Variants in MALRD1 observed in about 807,000 individuals in gnomAD.
MALRD1 encodes the protein MAM and LDL-receptor class A domain-containing protein 1.
MALRD1 carries 247 observed loss-of-function variants against 242.1 expected under a neutral mutation model. The observed-to-expected ratio is 1.02, with a 90% confidence interval of 0.92 to 1.13. The LOEUF is 1.13. Ranked by LOEUF, MALRD1 falls within the 50% of genes most tolerant of loss-of-function variation. The pLI is 0.00. For missense variants in MALRD1, 2,989 were observed against 2,533.1 expected (o/e 1.18, Z -3.86); for synonymous variants, 995 against 866.6 (o/e 1.15, Z -2.60).
chr10:19,535,542 CAT>C (rs1206879402), intron 32 of MALRD1, among the ~76,000 whole-genome samples: 10 of 147,634 alleles, frequency 6.8e-5, no homozygotes, highest in East Asian at 6.0e-4. Context: ...TATACATATA[CAT>C]ATATATACAC....
At chr10:19,466,392 TTAAA>T (rs1289977428) in intron 29 of MALRD1, among the ~76,000 whole-genome samples, 3 of 152,186 alleles carry the variant, frequency 2.0e-5, no homozygotes, top group African/African-American at 7.2e-5. Flanking sequence ...CCCCCTAAAA[TTAAA>T]TAAATATTAT....
At chr10:19,449,135 A>C (rs1051016534) in intron 28 of MALRD1, among the ~76,000 whole-genome samples, 6 of 152,176 alleles carry the variant, frequency 3.9e-5, no homozygotes, top group Non-Finnish European at 8.8e-5. Context: ...AAGGAAAGGT[A>C]GATTTTACTG....
intron 18 of MALRD1, among the ~76,000 whole-genome samples, chr10:19,257,044 G>A (rs200343838): frequency 6.6e-6 from 1 of 151,966 alleles, no homozygotes; most frequent in East Asian, 1.9e-4. Context: ...TACTACAGTG[G>A]TTCGTCTATA....
intron 28 of MALRD1, among the ~76,000 whole-genome samples, chr10:19,399,651 C>T (rs1169996937): frequency 6.6e-6 from 1 of 151,986 alleles, no homozygotes; most frequent in Non-Finnish European, 1.5e-5. Flanking sequence ...ATTAAAATGG[C>T]AATAATCTTA....
chr10:19,556,272 A>G (rs1050158262), intron 32 of MALRD1, among the ~76,000 whole-genome samples: 3 of 152,098 alleles, frequency 2.0e-5, no homozygotes, highest in African/African-American at 7.2e-5. Context: ...GTTACAATTG[A>G]TGAGCCAATA....
At chr10:19,276,572 G>T (rs1224949808) in intron 19 of MALRD1, among the ~76,000 whole-genome samples, 1 of 151,920 alleles carries the variant, frequency 6.6e-6, no homozygotes, top group East Asian at 1.9e-4. Context: ...TTTCATCAAG[G>T]CTAGCGAATT....
At position 19,433,023 on chromosome 10, in the gene MALRD1, TCCA is replaced by T. The variant is rs369642380; in HGVS notation, c.4846-17282_4846-17280del. Among the ~76,000 whole-genome samples the T allele has an allele frequency of 4.0e-3, 605 of 152,360 alleles. 3 individuals are homozygous for T. Among genetic ancestry groups the T allele is most frequent in the Admixed American group, 0.01 (157 of 15,296 alleles). ...TATATGTATATATAGATACAGCTAT[TCCA>T]CTTGCAGTTATTTATTGAACACTTA... On this transcript the variant is annotated intron_variant, in intron 28 of 39. Transcript: ENST00000454679.
At chr10:19,594,815 G>A (rs1181929344) in intron 33 of MALRD1, among the ~76,000 whole-genome samples, 1 of 152,008 alleles carries the variant, frequency 6.6e-6, no homozygotes, top group African/African-American at 2.4e-5. Context: ...TGATATAATG[G>A]ACTGTGGGGA....
In MALRD1 at chr10:19,257,645, A is replaced by T. The variant is rs114564263; in HGVS notation, c.2992-39A>T. 4,108 of 1,386,356 alleles carry T rather than the reference A, an allele frequency of 3.0e-3. 98 individuals are homozygous for T. The African/African-American group carries it at 0.052, about 18-fold the overall frequency. The allele number at this position is 1,386,356 out of a possible 1,614,324, so 85.9% of individuals were successfully genotyped here. A position where few individuals can be genotyped will look rare whatever the true frequency, so the allele number is the denominator to read the frequency against. Reference sequence around the variant, plus strand: ...TAACTTAATTTCCTTTACCACATAAACACATTTCTTATTTTTATTTTTTAT... The same window carrying T: ...TAACTTAATTTCCTTTACCACATAATCACATTTCTTATTTTTATTTTTTAT... On this transcript the variant is annotated intron_variant, in intron 18 of 39. Coordinates refer to ENST00000454679, the MANE Select transcript of MALRD1 (RefSeq NM_001142308.3).
At chr10:19,591,753 C>A (rs1033720933) in intron 33 of MALRD1, among the ~76,000 whole-genome samples, 1 of 152,160 alleles carries the variant, frequency 6.6e-6, no homozygotes. Flanking sequence ...CCACCTCAGC[C>A]TCCCAAACTG....
chr10:19,509,100 A>G (rs1296639307), intron 31 of MALRD1, among the ~76,000 whole-genome samples: 1 of 152,198 alleles, frequency 6.6e-6, no homozygotes, highest in African/African-American at 2.4e-5. Flanking sequence ...ATTACATTAT[A>G]TATATTAACA....
intron 18 of MALRD1, among the ~76,000 whole-genome samples, chr10:19,240,209 C>T (rs1564494542): frequency 6.6e-6 from 1 of 151,740 alleles, no homozygotes; most frequent in Non-Finnish European, 1.5e-5. Context: ...CTTTCACGGC[C>T]TTGATTAAAT....
chr10:19,086,576 G>C (rs2131293521), intron 2 of MALRD1, among the ~76,000 whole-genome samples: 1 of 152,224 alleles, frequency 6.6e-6, no homozygotes, highest in South Asian at 2.1e-4. Flanking sequence ...TGGGCTCAGA[G>C]TTGTTTTCCT....
At chr10:19,134,133 A>T (rs75396835) in intron 9 of MALRD1, among the ~76,000 whole-genome samples, 185 bp downstream of exon 9, 1 of 152,212 alleles carries the variant, frequency 6.6e-6, no homozygotes, top group East Asian at 1.9e-4. Flanking sequence ...CAAATTTCCC[A>T]TGGCGGGGGA....
At chr10:19,349,783 T>A (rs958017184) in intron 25 of MALRD1, among the ~76,000 whole-genome samples, 1 of 152,124 alleles carries the variant, frequency 6.6e-6, no homozygotes, top group African/African-American at 2.4e-5. Context: ...AAATACAAAA[T>A]ACGAAAATTC....
At chr10:19,533,944 A>T (rs1449002361) in intron 32 of MALRD1, among the ~76,000 whole-genome samples, 1 of 152,178 alleles carries the variant, frequency 6.6e-6, no homozygotes, top group East Asian at 1.9e-4. Context: ...GAAGAGAGGT[A>T]TTTCTTTTTC....
At position 19,655,553 on chromosome 10, in the gene MALRD1, T is replaced by C. The variant is rs575540267; in HGVS notation, c.6138-36729T>C. On this transcript the variant is annotated intron_variant, in intron 36 of 39. Coordinates refer to ENST00000454679, the MANE Select transcript of MALRD1 (RefSeq NM_001142308.3). ...GTGTATATATATATATATATATATA[T>C]ATATATATATATATATATGGAGATA... is the stretch of plus-strand genomic sequence containing the variant. Among the ~76,000 whole-genome samples the C allele has an allele frequency of 3.0e-3, 427 of 143,342 alleles. 6 individuals are homozygous for C. The highest frequency in any genetic ancestry group is 9.6e-3 in the African/African-American group (381 of 39,802). The allele number at this position is 143,342 out of a possible 152,430, so 94.0% of individuals were successfully genotyped here. A position where few individuals can be genotyped will look rare whatever the true frequency, so the allele number is the denominator to read the frequency against.
intron 10 of MALRD1, among the ~76,000 whole-genome samples, chr10:19,145,430 G>T (rs1240932318): frequency 6.6e-6 from 1 of 152,076 alleles, no homozygotes; most frequent in East Asian, 1.9e-4. Flanking sequence ...GATCATTTGA[G>T]GTCAGGAGTT....
chr10:19,571,017 T>C (rs1039549364), intron 33 of MALRD1, among the ~76,000 whole-genome samples: 1 of 152,120 alleles, frequency 6.6e-6, no homozygotes, highest in Non-Finnish European at 1.5e-5. Flanking sequence ...GGAATTATTA[T>C]AGGGAACTAT....
Sources: gnomAD v4.1 joint callset for allele counts (sites outside exome capture counted in the v4.1 genomes callset) on GRCh38, gnomAD v4.1.1 for gene constraint, MANE v1.5 for transcripts, NCBI Gene and HGNC (gene_info 2026-07-23, HGNC 2026-07-21) for gene names.